Variants in CLIP2 observed in about 807,000 individuals in gnomAD.
CLIP2 encodes CAP-Gly domain-containing linker protein 2.
In CLIP2, 41 loss-of-function variants were observed where a neutral mutation model predicts 111.7. That is an observed-to-expected ratio of 0.37 (90% CI 0.29 to 0.48). The LOEUF (loss-of-function observed/expected upper bound fraction) is 0.48, where lower values mean the gene tolerates loss of function less well. Among genes scored for constraint, CLIP2 ranks in the 20% least tolerant of loss-of-function variants. The probability of loss-of-function intolerance (pLI) is 0.99; values close to 1 mark genes in which losing one functional copy is unlikely to be tolerated. For missense variants in CLIP2, 1,160 were observed against 1,422.1 expected, an observed-to-expected ratio of 0.82 and a Z score of 2.96; for synonymous variants, 660 against 644.2, an observed-to-expected ratio of 1.02 and a Z score of -0.37.
chr7:74,401,625 AAATCCT>A (rs1554317690), intron 16 of CLIP2, 58 bp downstream of exon 16: 3 of 1,519,020 alleles, frequency 2.0e-6, no homozygotes, highest in Admixed American at 3.5e-5. Context: ...TCTCTGGAGA[AAATCCT>A]TGAAACGTCA....
Position 74,373,016 on chromosome 7 carries a change from C to A in CLIP2, c.1465C>A (p.Arg489=). 1 of 1,587,068 alleles carries A rather than the reference C, an allele frequency of 6.3e-7. No homozygotes were observed. Among genetic ancestry groups the A allele is most frequent in the Non-Finnish European group, 8.6e-7 (1 of 1,168,546 alleles). ...LEKAQAERLL[R]ELADNRLTTV... ...GAAGGCGCAGGCCGAGCGGCTGCTC[C>A]GAGAATTAGCGGACAACAGGGTAAC... Residue 489 remains arginine (R), a synonymous_variant, in exon 9 of 17, where the codon CGA becomes AGA. Coordinates refer to ENST00000223398, the MANE Select transcript of CLIP2 (RefSeq NM_003388.5).
At position 74,376,848 on chromosome 7, in the gene CLIP2, G is replaced by A. The variant is rs959500962; in HGVS notation, c.2421+26G>A. On this transcript the variant is annotated intron_variant, in intron 10 of 16. Coordinates refer to ENST00000223398, the MANE Select transcript of CLIP2 (RefSeq NM_003388.5). This position sits in a 1 kb window ranked among gnomAD's most constrained non-coding sequence, Gnocchi z 7.1. ...GTAGGCGCCTGCCCCTCCTGCTGGG[G>A]CGGGAGGGTCGGGCTGGGGAGGGCT... The A allele has an allele frequency of 1.3e-6, 2 of 1,532,748 alleles. No individual in the cohort carries two copies. Among genetic ancestry groups the A allele is most frequent in the African/African-American group, 2.8e-5 (2 of 72,726 alleles). The allele number at this position is 1,532,748 out of a possible 1,614,324, so 94.9% of individuals were successfully genotyped here.
chr7:74,317,375 C>A, intron 1 of CLIP2, 105 bp from the exon 2 acceptor site: 1 of 735,592 alleles, frequency 1.4e-6, no homozygotes, highest in Non-Finnish European at 1.9e-6. Flanking sequence ...TCGGGTGTTG[C>A]CTCGTCCAGC....
chr7:74,368,418 G>A (rs1790516750), intron 8 of CLIP2, among the ~76,000 whole-genome samples: 1 of 152,038 alleles, frequency 6.6e-6, no homozygotes, highest in Admixed American at 6.6e-5. Flanking sequence ...ACAGGAGGCT[G>A]AGGTAGGAGA....
intron 1 of CLIP2, among the ~76,000 whole-genome samples, chr7:74,293,546 A>G (rs1183109443): frequency 6.6e-6 from 1 of 152,044 alleles, no homozygotes; most frequent in African/African-American, 2.4e-5. Flanking sequence ...CTGCTCGGCT[A>G]GTGGGGGGGC....
At chr7:74,344,252 C>G (rs1789741872) in intron 3 of CLIP2, among the ~76,000 whole-genome samples, 1 of 152,190 alleles carries the variant, frequency 6.6e-6, no homozygotes, top group Admixed American at 6.6e-5. Flanking sequence ...AAGCCCTGGC[C>G]TGTCTGCAGG....
At chr7:74,307,329 G>A (rs542197412) in intron 1 of CLIP2, among the ~76,000 whole-genome samples, 1 of 152,178 alleles carries the variant, frequency 6.6e-6, no homozygotes, top group African/African-American at 2.4e-5. Flanking sequence ...CCAGACCCGG[G>A]TCTGATTCCA....
intron 4 of CLIP2, among the ~76,000 whole-genome samples, chr7:74,354,655 C>T (rs573506313): frequency 1.7e-4 from 26 of 152,126 alleles, no homozygotes; most frequent in Admixed American, 7.9e-4. Context: ...CCTGTAGTCC[C>T]AGCTACTTGG....
At chr7:74,323,802 A>G (rs1303962837) in intron 2 of CLIP2, among the ~76,000 whole-genome samples, 1 of 152,174 alleles carries the variant, frequency 6.6e-6, no homozygotes, top group African/African-American at 2.4e-5. Context: ...TGAGTACTGT[A>G]ACATGCTAAA....
intron 10 of CLIP2, among the ~76,000 whole-genome samples, chr7:74,378,245 A>G (rs1268013165): frequency 1.3e-5 from 2 of 151,790 alleles, no homozygotes; most frequent in African/African-American, 4.8e-5. Context: ...CTCCCACTTC[A>G]GCCTTCCAAG....
In CLIP2 at chr7:74,354,021, C is replaced by G. The variant is rs374368565; in HGVS notation, c.803+17C>G. 5.0e-6 allele frequency: 8 copies of G among 1,602,038 alleles called. No individual in the cohort carries two copies. Among genetic ancestry groups the G allele is most frequent in the African/African-American group, 1.3e-5 (1 of 74,758 alleles). ...GGGCACCAGGTATGGTGGGCTTCTT[C>G]TGGGGAGTATGGGAGGGGGCTCCTC... On this transcript the variant is annotated intron_variant, in intron 4 of 16. Coordinates refer to ENST00000223398, the MANE Select transcript of CLIP2 (RefSeq NM_003388.5).
chr7:74,349,468 G>GTA (rs1385137051), intron 3 of CLIP2, among the ~76,000 whole-genome samples: 2,980 of 61,144 alleles, frequency 0.049, 100 homozygotes, highest in Non-Finnish European at 0.065. Flanking sequence ...GTGTGTGTGT[G>GTA]TGTATATATA....
chr7:74,392,812 CTG>C (rs1466079252), intron 13 of CLIP2, among the ~76,000 whole-genome samples: 3 of 152,182 alleles, frequency 2.0e-5, no homozygotes, highest in Admixed American at 1.3e-4. Context: ...GAGTGAAACT[CTG>C]TCTCAAAAAT....
chr7:74,393,296 G>A (rs1554316158), intron 13 of CLIP2, among the ~76,000 whole-genome samples: 1 of 151,810 alleles, frequency 6.6e-6, no homozygotes, highest in East Asian at 1.9e-4. Context: ...CCAAAGTGCT[G>A]GGAGTACAGG....
intron 11 of CLIP2, among the ~76,000 whole-genome samples, chr7:74,386,151 G>A (rs1052274785): frequency 1.1e-4 from 17 of 151,162 alleles, no homozygotes; most frequent in Non-Finnish European, 1.9e-4. Flanking sequence ...GGGTTCAAAC[G>A]ATTCTCCTGC....
intron 14 of CLIP2, among the ~76,000 whole-genome samples, chr7:74,399,343 G>C (rs954698969): frequency 1.3e-5 from 2 of 151,998 alleles, no homozygotes; most frequent in Non-Finnish European, 2.9e-5. Context: ...TTCGAGACCA[G>C]CCTGGACCTC....
Position 74,373,059 on chromosome 7 carries a change from C to T in CLIP2, c.1485+23C>T, listed in dbSNP as rs782614469. 1.6e-5 allele frequency: 24 copies of T among 1,519,964 alleles called. No homozygotes were observed. In the Middle Eastern group the frequency reaches 1.2e-3, roughly 75 times the overall value. The allele number at this position is 1,519,964 out of a possible 1,614,324, so 94.2% of individuals were successfully genotyped here. ...AGGGTAACCGCGCCACCGCACCCGC[C>T]TGGCCCGCCAGCCACCTTGCCCTTT... On this transcript the variant is annotated intron_variant, in intron 9 of 16. Transcript: ENST00000223398.
At chr7:74,378,478 A>G (rs1188592826) in intron 10 of CLIP2, among the ~76,000 whole-genome samples, 3 of 152,088 alleles carry the variant, frequency 2.0e-5, no homozygotes, top group African/African-American at 7.2e-5. Context: ...GGTGGCTCAC[A>G]CCTATAATTC....
chr7:74,338,848 C>A lies in CLIP2; in HGVS notation c.522C>A (p.Gly174=). The change falls in exon 3 of 17, where the codon GGC becomes GGA. Residue 174 remains glycine, a synonymous_variant. Transcript: ENST00000223398. This position sits in a 1 kb window ranked among gnomAD's most constrained non-coding sequence, Gnocchi z 4.3. ...CCCAGAACCTGTCATTGCATTCGGG[C>A]ACGGCCACGCCCCCGCTGACCAGCC... ...LTAQNLSLHS[G]TATPPLTSRV... The A allele has an allele frequency of 6.2e-7, 1 of 1,609,844 alleles. No homozygotes were observed. Among genetic ancestry groups the A allele is most frequent in the South Asian group, 1.1e-5 (1 of 91,086 alleles).
Sources: allele counts gnomAD v4.1 joint callset (sites outside exome capture counted in the v4.1 genomes callset), GRCh38; gene constraint gnomAD v4.1.1; non-coding constraint Gnocchi (gnomAD v3.1); transcripts MANE v1.5; gene names NCBI Gene and HGNC (gene_info 2026-07-23, HGNC 2026-07-21).